The following NT5C1B variants were observed in gnomAD, a reference collection of about 807,000 sequenced individuals.
The protein encoded by NT5C1B is 5'-nucleotidase, cytosolic IB, also known as cytosolic 5'-nucleotidase 1B.
NT5C1B carries 44 observed loss-of-function variants against 57.8 expected under a neutral mutation model. That is an observed-to-expected ratio of 0.76 (90% CI 0.60 to 0.98). The LOEUF (loss-of-function observed/expected upper bound fraction) is 0.98. Among genes scored for constraint, NT5C1B ranks in the 50% least tolerant of loss-of-function variants. NT5C1B has a pLI of 0.00. For missense variants in NT5C1B, 742 were observed against 719.5 expected (o/e 1.03, Z -0.36); for synonymous variants, 284 against 282.6 (o/e 1.00, Z -0.05).
chr2:18,586,568 G>T, intron 2 of NT5C1B, 177 bp from the exon 3 acceptor site: 1 of 988,356 alleles, frequency 1.0e-6, no homozygotes, highest in Non-Finnish European at 1.4e-6. Context: ...CTCTGGTCTA[G>T]TCCTCACTTC....
chr2:18,576,881 G>A lies in NT5C1B; in HGVS notation c.1036C>T (p.Arg346Cys), dbSNP rs148419532. 2.3e-5 allele frequency: 37 copies of A among 1,613,522 alleles called. 1 individual carries two copies. Among genetic ancestry groups the A allele is most frequent in the Admixed American group, 1.2e-4 (7 of 59,952 alleles). ...TCTTTTCCCCCGGTCAGACAGAAGC[G>A]GTCAATCAGTAAGCCTATTATCAGG... The change falls in exon 7 of 9, where the codon CGC becomes TGC. Residue 346 changes from arginine (R) to cysteine (C), a missense_variant. Transcript: ENST00000304081.
At chr2:18,586,332 T>C (rs530545436) in exon 3 of NT5C1B, 30 of 1,614,200 alleles carry the variant, frequency 1.9e-5, no homozygotes, top group Non-Finnish European at 2.5e-5. Flanking sequence ...TTCTAGACCA[T>C]TGACTGCGCA....
intron 8 of NT5C1B, among the ~76,000 whole-genome samples, chr2:18,571,681 C>A (rs988412559): frequency 8.1e-6 from 1 of 122,966 alleles, no homozygotes; most frequent in Non-Finnish European, 1.6e-5. Flanking sequence ...GCAAGGGAAT[C>A]AGACTGTACT....
chr2:18,576,948 C>T (rs753095959), intron 6 of NT5C1B, 53 bp from the exon 7 acceptor site: 646 of 1,604,234 alleles, frequency 4.0e-4, no homozygotes, highest in Non-Finnish European at 5.0e-4. Context: ...GACAAAATGC[C>T]GTAAATCCAA....
chr2:18,579,707 C>T (rs2148144220), intron 6 of NT5C1B, among the ~76,000 whole-genome samples: 1 of 152,152 alleles, frequency 6.6e-6, no homozygotes, highest in Non-Finnish European at 1.5e-5. Flanking sequence ...TAGGAAATAC[C>T]ATTCTGGACA....
At chr2:18,577,085 C>T (rs1168317460) in intron 6 of NT5C1B, among the ~76,000 whole-genome samples, 190 bp from the exon 7 acceptor site, 2 of 152,086 alleles carry the variant, frequency 1.3e-5, no homozygotes, top group Non-Finnish European at 2.9e-5. Context: ...ATTTAAAATT[C>T]CTCAACTATT....
At chr2:18,569,326 AG>A (rs1219061441) in intron 8 of NT5C1B, among the ~76,000 whole-genome samples, 1 of 152,146 alleles carries the variant, frequency 6.6e-6, no homozygotes, top group Non-Finnish European at 1.5e-5. Flanking sequence ...GAAAAGAAAA[AG>A]GGGACTAAGA....
At chr2:18,585,748 A>G (rs547306857) in intron 3 of NT5C1B, among the ~76,000 whole-genome samples, 25 of 152,332 alleles carry the variant, frequency 1.6e-4, no homozygotes, top group African/African-American at 6.0e-4. Context: ...TCCGATAGAG[A>G]TGATGAATTA....
chr2:18,574,552 T>C, intron 8 of NT5C1B, among the ~76,000 whole-genome samples: 1 of 152,112 alleles, frequency 6.6e-6, no homozygotes, highest in Non-Finnish European at 1.5e-5. Flanking sequence ...ACAGCATTAT[T>C]CACAATGGCC....
At chr2:18,571,509 T>C (rs1272639278) in intron 8 of NT5C1B, among the ~76,000 whole-genome samples, 1 of 151,334 alleles carries the variant, frequency 6.6e-6, no homozygotes, top group Non-Finnish European at 1.5e-5. Context: ...TTAAATGATC[T>C]AAATAAATGA....
chr2:18,584,709 C>G lies in NT5C1B; in HGVS notation c.528G>C (p.Ser176=). ...ACTTCCACTCGGTGGGGGACGTGCG[C>G]GAATATTCCAGCGGCTGCGAGTCCC... The change falls in exon 4 of 9, where the codon TCG becomes TCC. Residue 176 remains serine (S), a synonymous_variant. Transcript: ENST00000304081. The surrounding 1 kb of genome is among the most constrained non-coding windows in gnomAD (Gnocchi z 5.8). 6.2e-7 allele frequency: 1 copy of G among 1,612,544 alleles called. No individual in the cohort carries two copies.
chr2:18,586,298 C>A, exon 3 of NT5C1B: 2 of 1,614,104 alleles, frequency 1.2e-6, no homozygotes, highest in African/African-American at 2.7e-5. Flanking sequence ...ATGGATGGAG[C>A]CTTGGTGGAT....
intron 6 of NT5C1B, among the ~76,000 whole-genome samples, chr2:18,578,800 G>A (rs779941133): frequency 1.1e-4 from 17 of 152,102 alleles, no homozygotes; most frequent in Non-Finnish European, 2.4e-4. Context: ...AGCCAGAGCA[G>A]TCAGGCAAGA....
At chr2:18,581,063 G>A (rs943177828) in intron 6 of NT5C1B, among the ~76,000 whole-genome samples, 2 of 152,102 alleles carry the variant, frequency 1.3e-5, no homozygotes, top group African/African-American at 4.8e-5. Context: ...ATATAACAGT[G>A]AATTATCATC....
At chr2:18,585,269 G>A in intron 3 of NT5C1B, 2 of 674,538 alleles carry the variant, frequency 3.0e-6, no homozygotes, top group Admixed American at 1.8e-5. Context: ...CTCCCCCTTA[G>A]GCAGCTGACA....
At chr2:18,583,952 G>A (rs1175690596) in intron 5 of NT5C1B, 136 bp downstream of exon 5, 2 of 1,498,846 alleles carry the variant, frequency 1.3e-6, no homozygotes, top group African/African-American at 2.8e-5. Flanking sequence ...ACTGACCTGG[G>A]TCAGCTAGAA....
At chr2:18,576,998 T>A (rs1665744682) in intron 6 of NT5C1B, 103 bp from the exon 7 acceptor site, 1 of 1,551,432 alleles carries the variant, frequency 6.4e-7, no homozygotes, top group Non-Finnish European at 8.7e-7. Flanking sequence ...TATTTGTAAA[T>A]TCAACTGGCT....
rs763310151 is a variant in NT5C1B, at chr2:18,584,198, C to G, written c.781G>C (p.Val261Leu). Residue 261 changes from valine to leucine, a missense_variant, in exon 5 of 9, where the codon GTG becomes CTG. Transcript: ENST00000304081. This position sits in a 1 kb window ranked among gnomAD's most constrained non-coding sequence, Gnocchi z 5.8. The stretch of plus-strand genomic sequence containing the variant: ...TGCTCGTAGATTTTCCTGCCGTCCA[C>G]CATGTTGAAGAGCGCGCAGGATGAG... 1 of 1,614,154 alleles carries G rather than the reference C, an allele frequency of 6.2e-7. No homozygotes were observed. The highest frequency in any genetic ancestry group is 8.5e-7 in the Non-Finnish European group (1 of 1,180,032).
chr2:18,589,160 T>C (rs1666977764), intron 1 of NT5C1B, among the ~76,000 whole-genome samples: 1 of 152,272 alleles, frequency 6.6e-6, no homozygotes, highest in Non-Finnish European at 1.5e-5. Context: ...TACTAACATA[T>C]GAGTATATGC....
Sources: allele counts gnomAD v4.1 joint callset (sites outside exome capture counted in the v4.1 genomes callset), GRCh38; gene constraint gnomAD v4.1.1; non-coding constraint Gnocchi (gnomAD v3.1); transcripts MANE v1.5; gene names NCBI Gene and HGNC (gene_info 2026-07-23, HGNC 2026-07-21).